Variants in ZNF420 observed in about 807,000 individuals in gnomAD.
ZNF420 encodes the protein ATM and p53-associated KZNF protein.
ZNF420 carries 31 observed loss-of-function variants against 44.7 expected under a neutral mutation model. The observed-to-expected ratio is 0.69, with a 90% confidence interval of 0.52 to 0.94. ZNF420 has a LOEUF of 0.94. Among genes scored for constraint, ZNF420 ranks in the 40% least tolerant of loss-of-function variants. The pLI is 0.00. For synonymous variants in ZNF420, 245 were observed against 267.4 expected (o/e 0.92, Z 0.82); for missense variants, 681 against 827.9 (o/e 0.82, Z 2.18).
At chr19:37,119,102 G>T (rs1260541313) in intron 4 of ZNF420, among the ~76,000 whole-genome samples, 1 of 152,104 alleles carries the variant, frequency 6.6e-6, no homozygotes, top group Non-Finnish European at 1.5e-5. Context: ...ATTGAACTCA[G>T]CTCTGCACCA....
In ZNF420 at chr19:37,089,139, T is replaced by G. The variant is rs1445620654; in HGVS notation, c.9+12T>G. 4 of 1,611,256 alleles carry G rather than the reference T, an allele frequency of 2.5e-6. No individual in the cohort carries two copies. In the Admixed American group the frequency reaches 5.0e-5, roughly 20 times the overall value. On this transcript the variant is annotated intron_variant, in intron 3 of 4. Transcript: ENST00000337995. ...AAACCATGGCTCGGGTAAATTGGAG[T>G]TTCCTTGTGCTCTTTTCACTTACTT...
At chr19:37,101,576 T>G (rs1339690125) in intron 4 of ZNF420, among the ~76,000 whole-genome samples, 1 of 152,242 alleles carries the variant, frequency 6.6e-6, no homozygotes. Flanking sequence ...TTCCAGACAT[T>G]CTAAGCAGAC....
At chr19:37,096,814 T>G (rs914421390) in intron 4 of ZNF420, among the ~76,000 whole-genome samples, 1 of 152,228 alleles carries the variant, frequency 6.6e-6, no homozygotes, top group African/African-American at 2.4e-5. Flanking sequence ...ATTTACATAT[T>G]AACAATATTG....
At chr19:37,097,253 T>C (rs1969507962) in intron 4 of ZNF420, among the ~76,000 whole-genome samples, 1 of 152,116 alleles carries the variant, frequency 6.6e-6, no homozygotes, top group Non-Finnish European at 1.5e-5. Flanking sequence ...TGAATAGGAA[T>C]ATTTTGTTCT....
At chr19:37,033,499 T>C (rs1348348001) in intron 1 of ZNF420, among the ~76,000 whole-genome samples, 2 of 152,202 alleles carry the variant, frequency 1.3e-5, no homozygotes, top group Non-Finnish European at 2.9e-5. Flanking sequence ...CTTAGTCTTA[T>C]GTCAAGGTTC....
At chr19:37,038,836 C>T (rs1156554550) in intron 1 of ZNF420, among the ~76,000 whole-genome samples, 1 of 151,966 alleles carries the variant, frequency 6.6e-6, no homozygotes, top group African/African-American at 2.4e-5. Context: ...AAAAATACAA[C>T]ATTAGCCGGA....
chr19:37,082,668 G>A (rs1968531000), intron 2 of ZNF420, among the ~76,000 whole-genome samples: 2 of 152,108 alleles, frequency 1.3e-5, no homozygotes, highest in South Asian at 2.1e-4. Flanking sequence ...CCAACCATAT[G>A]AATATAGAAA....
intron 1 of ZNF420, among the ~76,000 whole-genome samples, chr19:37,013,714 C>G (rs1051737382): frequency 6.6e-6 from 1 of 152,274 alleles, no homozygotes; most frequent in Middle Eastern, 3.4e-3. Flanking sequence ...ATGGTGTCAG[C>G]TTAAAGTTCA....
intron 4 of ZNF420, among the ~76,000 whole-genome samples, chr19:37,119,947 C>A (rs560144610): frequency 1.3e-5 from 2 of 152,174 alleles, no homozygotes; most frequent in South Asian, 2.1e-4. Flanking sequence ...CTGAATAGAC[C>A]AATAACAGGA....
chr19:37,100,431 G>A (rs867308140), intron 4 of ZNF420, among the ~76,000 whole-genome samples: 6 of 151,950 alleles, frequency 3.9e-5, no homozygotes, highest in East Asian at 3.9e-4. Flanking sequence ...TTGCTTTGGC[G>A]GCCTGGCGCA....
chr19:37,081,056 C>CAAAA (rs35087056), intron 2 of ZNF420, among the ~76,000 whole-genome samples: 1 of 79,296 alleles, frequency 1.3e-5, no homozygotes, highest in East Asian at 4.4e-4. Flanking sequence ...GACTCTGTCT[C>CAAAA]AAAAAAAAAA....
chr19:37,038,691 GCCTGTAATC>G (rs1967399920), intron 1 of ZNF420, among the ~76,000 whole-genome samples: 1 of 152,128 alleles, frequency 6.6e-6, no homozygotes, highest in South Asian at 2.1e-4. Flanking sequence ...GGTGGCTCAG[GCCTGTAATC>G]CCAGCACTTT....
intron 1 of ZNF420, among the ~76,000 whole-genome samples, chr19:37,009,041 C>T (rs1015299501): frequency 6.6e-6 from 1 of 152,100 alleles, no homozygotes; most frequent in Non-Finnish European, 1.5e-5. Context: ...GCGTAGTTTC[C>T]CTACAATGAA....
chr19:37,063,543 TCCCCCCTCC>T (rs1200330333), intron 1 of ZNF420, among the ~76,000 whole-genome samples: 2 of 150,448 alleles, frequency 1.3e-5, no homozygotes, highest in Non-Finnish European at 3.0e-5. Context: ...TGCATAGATC[TCCCCCCTCC>T]CCCGCCTACC....
intron 1 of ZNF420, among the ~76,000 whole-genome samples, chr19:37,039,279 G>C (rs1967411797): frequency 6.6e-6 from 1 of 152,100 alleles, no homozygotes; most frequent in Non-Finnish European, 1.5e-5. Flanking sequence ...TCCATCAAAG[G>C]AATCATGATC....
chr19:37,046,872 T>G (rs1311562305), intron 1 of ZNF420, among the ~76,000 whole-genome samples: 1 of 150,890 alleles, frequency 6.6e-6, no homozygotes, highest in Non-Finnish European at 1.5e-5. Context: ...AAATTGAATA[T>G]AAGGTGCTAA....
At chr19:37,050,119 C>G (rs1967612330) in intron 1 of ZNF420, among the ~76,000 whole-genome samples, 1 of 152,070 alleles carries the variant, frequency 6.6e-6, no homozygotes, top group Admixed American at 6.6e-5. Flanking sequence ...GTTACTGTAG[C>G]CTTGTAATAT....
chr19:37,127,885 G>A lies in ZNF420; in HGVS notation c.894G>A (p.Lys298=). The A allele has an allele frequency of 6.2e-7, 1 of 1,613,974 alleles. No homozygotes were observed. The highest frequency in any genetic ancestry group is 2.2e-5 in the East Asian group (1 of 44,864). ...FTQLSQLILH[K]RIHTGEKPYE... ...AGCTCTCACAACTTATTCTGCATAA[G>A]AGAATTCATACCGGTGAGAAACCCT... Residue 298 remains lysine (K), a synonymous_variant, in exon 5 of 5, where the codon AAG becomes AAA. Transcript: ENST00000337995.
chr19:37,115,367 T>C (rs1223500341), intron 4 of ZNF420, among the ~76,000 whole-genome samples: 3 of 152,046 alleles, frequency 2.0e-5, no homozygotes, highest in Admixed American at 6.5e-5. Flanking sequence ...CTGAGTTCTC[T>C]CAGTGTTTAT....
Sources: allele counts gnomAD v4.1 joint callset (sites outside exome capture counted in the v4.1 genomes callset), GRCh38; gene constraint gnomAD v4.1.1; transcripts MANE v1.5; gene names NCBI Gene and HGNC (gene_info 2026-07-23, HGNC 2026-07-21).